CHD4: variants seen among roughly 807,000 people sequenced by gnomAD.
CHD4 encodes ATP-dependent chromatin remodeler CHD4.
CHD4 carries 35 observed loss-of-function variants against 235.5 expected under a neutral mutation model. That is an observed-to-expected ratio of 0.15 (90% CI 0.11 to 0.20). The LOEUF (loss-of-function observed/expected upper bound fraction) is 0.20, where lower values mean the gene tolerates loss of function less well. CHD4 is among the 10% of genes least tolerant of loss of function. The pLI, the probability that CHD4 is intolerant of heterozygous loss-of-function variation, is 1.00. For synonymous variants in CHD4, 900 were observed against 850.2 expected (o/e 1.06, Z -1.02); for missense variants, 1,329 against 2,432.3 (o/e 0.55, Z 9.54).
Position 6,570,486 on chromosome 12 carries a change from T to C in CHD4, c.*190A>G, listed in dbSNP as rs903432569. ...GGCGCCAGCGCTACTGCTGCATGTC[T>C]CTTCTGCAGGAAGGGCACCACTGCC... On this transcript the variant is annotated 3_prime_UTR_variant, in exon 40 of 40. Transcript: ENST00000544040. 1.5e-6 allele frequency: 1 copy of C among 663,476 alleles called. No homozygotes were observed. Among genetic ancestry groups the C allele is most frequent in the Non-Finnish European group, 2.6e-6 (1 of 388,484 alleles). 41.1% of individuals were successfully genotyped at this position (663,476 alleles called of 1,614,324 possible). A position where few individuals can be genotyped will look rare whatever the true frequency, so the allele number is the denominator to read the frequency against.
chr12:6,582,196 C>A lies in CHD4; in HGVS notation c.4456G>T (p.Gly1486Cys). 6.2e-7 allele frequency: 1 copy of A among 1,603,186 alleles called. No individual in the cohort carries two copies. The highest frequency in any genetic ancestry group is 1.1e-5 in the South Asian group (1 of 90,508). The change falls in exon 30 of 40, where the codon GGC becomes TGC. Residue 1486 changes from glycine to cysteine, a missense_variant. Gly to Cys is a radical substitution (Grantham distance 159). Coordinates refer to ENST00000544040, the MANE Select transcript of CHD4 (RefSeq NM_001273.5). ...ETFADGVPRE[G>C]LSRQHVLTRI... ...GTAAGGACATGCTGGCGAGACAGGC[C>A]TTCTCGGGGGACACCATCAGCAAAG...
At chr12:6,604,256 AGAGT>A (rs1948651079) in intron 2 of CHD4, among the ~76,000 whole-genome samples, 1 of 152,196 alleles carries the variant, frequency 6.6e-6, no homozygotes, top group South Asian at 2.1e-4. Context: ...CCTTGGCGAC[AGAGT>A]GAGACCCCAT....
rs530172681 is a variant in CHD4, at chr12:6,580,859, T to C, written c.4909+185A>G. On this transcript the variant is annotated intron_variant, in intron 33 of 39. Transcript: ENST00000544040. ...CTGTCTCTACTAAAAATACAAAAAT[T>C]AGCTGGGCATGATGGCGTCTGTCTG... The C allele has an allele frequency of 1.6e-5, 10 of 631,636 alleles. No homozygotes were observed. In the South Asian group the frequency reaches 2.1e-4, roughly 14 times the overall value. 39.1% of individuals were successfully genotyped at this position (631,636 alleles called of 1,614,324 possible).
chr12:6,606,546 C>A, intron 1 of CHD4, 95 bp from the exon 2 acceptor site: 1 of 505,760 alleles, frequency 2.0e-6, no homozygotes, highest in Non-Finnish European at 3.5e-6. Flanking sequence ...CCCACCCCAG[C>A]CACCCTAGCA....
At chr12:6,583,794 C>T (rs770495041) in intron 25 of CHD4, 27 of 158,524 alleles carry the variant, frequency 1.7e-4, no homozygotes, top group Admixed American at 5.2e-4. Flanking sequence ...TGACTATAAG[C>T]CTTTCTATTC....
Position 6,595,397 on chromosome 12 carries a change from G to C in CHD4, c.2058C>G (p.Gly686=), listed in dbSNP as rs1312972188. The C allele has an allele frequency of 8.7e-6, 14 of 1,613,886 alleles. No homozygotes were observed. The highest frequency in any genetic ancestry group is 9.3e-6 in the Non-Finnish European group (11 of 1,179,980). Residue 686 remains glycine (G), a synonymous_variant, in exon 14 of 40, where the codon GGC becomes GGG. Coordinates refer to ENST00000544040, the MANE Select transcript of CHD4 (RefSeq NM_001273.5). ...ELMRGEEGRP[G]KKLKKVKLRK... is the part of the protein sequence containing the mutation. ...GAAGCTTCACCTTCTTGAGCTTCTT[G>C]CCTGGTCGGCCTTCCTCACCCCTCA...
chr12:6,603,810 C>T (rs1948640685), intron 2 of CHD4, among the ~76,000 whole-genome samples: 1 of 152,142 alleles, frequency 6.6e-6, no homozygotes, highest in African/African-American at 2.4e-5. Flanking sequence ...GACTTGTGGT[C>T]AGCGCATACA....
intron 25 of CHD4, 100 bp downstream of exon 25, chr12:6,587,284 G>GC (rs1948316383): frequency 4.3e-6 from 5 of 1,151,890 alleles, no homozygotes; most frequent in Non-Finnish European, 6.3e-6. Flanking sequence ...ATAAGAATTT[G>GC]CCTACAGATA....
At position 6,571,052 on chromosome 12, in the gene CHD4, G is replaced by A. The variant is rs747398729; in HGVS notation, c.5558-20C>T. On this transcript the variant is annotated intron_variant, in intron 38 of 39. Transcript: ENST00000544040. Reference sequence around the variant, plus strand: ...TCAGAACTGCATAGGGAGAAAAAGAGGTGGTGAGCTGTGGTGGCCCAGACT... The same window carrying A: ...TCAGAACTGCATAGGGAGAAAAAGAAGTGGTGAGCTGTGGTGGCCCAGACT... The A allele has an allele frequency of 4.3e-6, 7 of 1,612,428 alleles. No homozygotes were observed. In the Admixed American group the frequency reaches 1.0e-4, roughly 23 times the overall value.
intron 22 of CHD4, 151 bp from the exon 23 acceptor site, chr12:6,588,573 T>G (rs1592271134): frequency 1.2e-6 from 1 of 810,498 alleles, no homozygotes; most frequent in East Asian, 2.8e-5. Flanking sequence ...ACATCAGGAG[T>G]TCGAGACCAG....
rs1470195526 is a variant in CHD4, at chr12:6,578,444, CGTT to C, written c.5081_5083del (p.Gln1694del). On this transcript the variant is annotated inframe_deletion, in exon 35 of 40. Coordinates refer to ENST00000544040, the MANE Select transcript of CHD4 (RefSeq NM_001273.5). ...ACCATCTGCAATGTTAAACATGAAA[CGTT>C]GTTTAATATTTTTCTTCTGTTTCTC... 2.5e-6 allele frequency: 4 copies of C among 1,613,866 alleles called. No individual in the cohort carries two copies. The highest frequency in any genetic ancestry group is 2.7e-5 in the African/African-American group (2 of 74,908).
chr12:6,591,432 G>T, intron 22 of CHD4, 34 bp downstream of exon 22: 11 of 1,533,212 alleles, frequency 7.2e-6, no homozygotes, highest in Non-Finnish European at 9.9e-6. Context: ...AGCAAATGAG[G>T]ATTCCTGAAA....
rs762628767 is a variant in CHD4, at chr12:6,592,597, G to A, written c.2775-31C>T. Reference sequence around the variant, plus strand: ...GAAAGAAAAAGGAAAAAAGTTATTGGAGAAGGAGAAAGGAAGAAAGAAAAG... The same window carrying A: ...GAAAGAAAAAGGAAAAAAGTTATTGAAGAAGGAGAAAGGAAGAAAGAAAAG... On this transcript the variant is annotated intron_variant, in intron 18 of 39. Transcript: ENST00000544040. 3 of 1,583,264 alleles carry A rather than the reference G, an allele frequency of 1.9e-6. No homozygotes were observed. In the Admixed American group the frequency reaches 5.3e-5, roughly 28 times the overall value.
chr12:6,598,166 T>C, intron 11 of CHD4, 56 bp downstream of exon 11: 18 of 1,610,574 alleles, frequency 1.1e-5, no homozygotes, highest in Non-Finnish European at 1.4e-5. Context: ...ACAAGGCTCT[T>C]TTGTCACTAT....
In CHD4 at chr12:6,595,438, A is replaced by G. The variant is rs1480631299; in HGVS notation, c.2025-8T>C. On this transcript the variant is annotated splice_region_variant and splice_polypyrimidine_tract_variant and intron_variant, in intron 13 of 39. Coordinates refer to ENST00000544040, the MANE Select transcript of CHD4 (RefSeq NM_001273.5). ...TCACCCCTCATTAACTCCCTAAAGA[A>G]GAAAGACATCACACAGCTGCCCAAA... is the stretch of plus-strand genomic sequence containing the variant. 2 of 1,612,350 alleles carry G rather than the reference A, an allele frequency of 1.2e-6. No individual in the cohort carries two copies. The highest frequency in any genetic ancestry group is 1.7e-6 in the Non-Finnish European group (2 of 1,178,724).
intron 12 of CHD4, among the ~76,000 whole-genome samples, chr12:6,597,591 C>T (rs188316356): frequency 6.6e-6 from 1 of 152,204 alleles, no homozygotes; most frequent in Non-Finnish European, 1.5e-5. Flanking sequence ...GAATGAAAAC[C>T]CTGTCTCTAC....
In CHD4 at chr12:6,591,538, C is replaced by A; in HGVS notation, c.3268G>T (p.Gly1090Cys). Residue 1090 changes from glycine (G) to cysteine (C), a missense_variant, in exon 22 of 40, where the codon GGT (glycine) becomes TGT (cysteine). Physicochemically the swap from Gly to Cys is radical, Grantham distance 159. Transcript: ENST00000544040. ...DLLEDFLEHEGYKYERIDGGI... is the reference protein window; with the variant it reads ...DLLEDFLEHECYKYERIDGGI... ...CCATCGATGCGTTCGTATTTATAACCTTCATGTTCCAAGAAATCCTCTAGC... is the reference window on the plus strand; with the variant it reads ...CCATCGATGCGTTCGTATTTATAACATTCATGTTCCAAGAAATCCTCTAGC... The A allele has an allele frequency of 6.2e-7, 1 of 1,614,230 alleles. No homozygotes were observed.
At chr12:6,588,570 G>A (rs1395763413) in intron 22 of CHD4, 148 bp from the exon 23 acceptor site, 2 of 839,544 alleles carry the variant, frequency 2.4e-6, no homozygotes, top group East Asian at 2.8e-5. Flanking sequence ...TTGACATCAG[G>A]AGTTCGAGAC....
intron 38 of CHD4, 84 bp from the exon 39 acceptor site, chr12:6,571,116 T>G (rs751890132): frequency 6.7e-7 from 1 of 1,486,304 alleles, no homozygotes; most frequent in Non-Finnish European, 9.2e-7. Context: ...CCCCATCACT[T>G]CTCAGTGACC....
Sources: gnomAD v4.1 joint callset for allele counts (sites outside exome capture counted in the v4.1 genomes callset) on GRCh38, gnomAD v4.1.1 for gene constraint, MANE v1.5 for transcripts, NCBI Gene and HGNC (gene_info 2026-07-23, HGNC 2026-07-21) for gene names.